The following FNDC1 variants were observed in gnomAD, a reference collection of about 807,000 sequenced individuals.
FNDC1 encodes the protein fibronectin type III domain containing 1.
Under a neutral mutation model 168.0 loss-of-function variants are expected in FNDC1, and 96 were observed. The ratio of observed to expected loss-of-function variants is 0.57; its 90% CI spans 0.48 to 0.68. The LOEUF (loss-of-function observed/expected upper bound fraction) is 0.68. Among genes scored for constraint, FNDC1 ranks in the 30% least tolerant of loss-of-function variants. FNDC1 has a pLI of 0.00. For missense variants in FNDC1, 2,587 were observed against 2,482.1 expected (o/e 1.04, Z -0.90); for synonymous variants, 1,099 against 1,025.9 (o/e 1.07, Z -1.36).
At position 159,233,675 on chromosome 6, in the gene FNDC1, C is replaced by G; in HGVS notation, c.3163C>G (p.Pro1055Ala). 1.3e-6 allele frequency: 2 copies of G among 1,549,890 alleles called. No homozygotes were observed. Among genetic ancestry groups the G allele is most frequent in the Non-Finnish European group, 1.7e-6 (2 of 1,147,576 alleles). ...SQGRSHSSSD[P>A]YTASSRGMLP... ...GGGCCGCTCCCACTCCTCCTCGGAC[C>G]CTTACACGGCGAGCTCCAGAGGGAT... Residue 1055 changes from proline (P) to alanine (A), a missense_variant, in exon 11 of 23, where the codon CCT becomes GCT. Coordinates refer to ENST00000297267, the MANE Select transcript of FNDC1 (RefSeq NM_032532.3). The surrounding 1 kb of genome is among the most constrained non-coding windows in gnomAD (Gnocchi z 4.6).
intron 1 of FNDC1, among the ~76,000 whole-genome samples, chr6:159,184,687 T>C (rs1781956078): frequency 6.6e-6 from 1 of 152,184 alleles, no homozygotes; most frequent in Non-Finnish European, 1.5e-5. Flanking sequence ...GTGTTTAACA[T>C]AGTTAGACAA....
chr6:159,238,462 T>C, intron 12 of FNDC1, 92 bp from the exon 13 acceptor site: 1 of 748,206 alleles, frequency 1.3e-6, no homozygotes, highest in Non-Finnish European at 2.2e-6. Flanking sequence ...TTTCCTTCTG[T>C]GGAAGCTTCA....
intron 17 of FNDC1, among the ~76,000 whole-genome samples, chr6:159,252,706 A>T (rs752511527): frequency 1.8e-4 from 27 of 152,240 alleles, no homozygotes; most frequent in Admixed American, 5.2e-4. Context: ...AACATCCAGA[A>T]AATCTTTTTA....
At chr6:159,194,332 T>C (rs1782199447) in intron 1 of FNDC1, among the ~76,000 whole-genome samples, 1 of 152,186 alleles carries the variant, frequency 6.6e-6, no homozygotes, top group African/African-American at 2.4e-5. Flanking sequence ...GATGTTTGGG[T>C]TTGTCATTTT....
chr6:159,264,929 T>C (rs993145913), intron 19 of FNDC1, 46 bp from the exon 20 acceptor site: 14 of 1,526,120 alleles, frequency 9.2e-6, no homozygotes, highest in Non-Finnish European at 1.2e-5. Flanking sequence ...AATTGCATGA[T>C]TGTGAAATAT....
intron 4 of FNDC1, among the ~76,000 whole-genome samples, chr6:159,203,555 C>T (rs1440921546): frequency 6.6e-6 from 1 of 152,120 alleles, no homozygotes; most frequent in Non-Finnish European, 1.5e-5. Context: ...TTTGGCTCCT[C>T]TTGTGTTGCT....
At chr6:159,183,883 T>A (rs1398954074) in intron 1 of FNDC1, among the ~76,000 whole-genome samples, 1 of 152,234 alleles carries the variant, frequency 6.6e-6, no homozygotes, top group Non-Finnish European at 1.5e-5. Context: ...CGAGCTCATG[T>A]GTCCTTATGA....
rs1448681132 is a variant in FNDC1 at position 159,229,926 on chromosome 6, A to C, written c.1292A>C (p.Tyr431Ser). The C allele has an allele frequency of 6.2e-7, 1 of 1,613,954 alleles. No homozygotes were observed. Among genetic ancestry groups the C allele is most frequent in the Non-Finnish European group, 8.5e-7 (1 of 1,179,864 alleles). The change falls in exon 10 of 23, where the codon TAT becomes TCT. Residue 431 changes from tyrosine (Y) to serine (S), a missense_variant. Physicochemically the swap from Tyr to Ser is moderately radical, Grantham distance 144. Transcript: ENST00000297267. ...GATGGTCTGCAGCCTGGGGAACGCT[A>C]TCTTTTCAAAATCCGGGCCACAAAC... ...LVDGLQPGER[Y>S]LFKIRATNRR...
chr6:159,214,730 G>T (rs1323666294), intron 4 of FNDC1, among the ~76,000 whole-genome samples: 3 of 152,172 alleles, frequency 2.0e-5, no homozygotes, highest in Non-Finnish European at 4.4e-5. Context: ...TTAATTTCTT[G>T]AGACCTTTTG....
chr6:159,251,515 C>T lies in FNDC1; in HGVS notation c.5048C>T (p.Pro1683Leu). The change falls in exon 17 of 23, where the codon CCA becomes CTA. Residue 1683 changes from proline (P) to leucine (L), a missense_variant. Pro to Leu is a moderately conservative substitution (Grantham distance 98). Transcript: ENST00000297267. ...FVIVDWDKAT[P>L]GDVVTGYLVY... ...ATTGTGGACTGGGACAAAGCCACCC[C>T]AGGAGATGTGGTCACAGGTGTGTCC... 1 of 1,613,564 alleles carries T rather than the reference C, an allele frequency of 6.2e-7. No individual in the cohort carries two copies. The highest frequency in any genetic ancestry group is 8.5e-7 in the Non-Finnish European group (1 of 1,179,766).
chr6:159,268,135 A>G (rs948415925), intron 22 of FNDC1, among the ~76,000 whole-genome samples: 3 of 152,164 alleles, frequency 2.0e-5, no homozygotes, highest in Non-Finnish European at 4.4e-5. Flanking sequence ...GGAGGTGGGG[A>G]ACGGCATGAA....
rs529671635 is a variant in FNDC1, at chr6:159,233,438, G to A, written c.2926G>A (p.Ala976Thr). ...KAQPGSTDRH[A>T]SPARPPAARS... ...ACAGCCAGGGTCCACAGACCGCCACGCGTCCCCTGCTCGTCCGCCCGCAGC... is the reference window on the plus strand; with the variant it reads ...ACAGCCAGGGTCCACAGACCGCCACACGTCCCCTGCTCGTCCGCCCGCAGC... The change falls in exon 11 of 23, where the codon GCG becomes ACG. Residue 976 changes from alanine to threonine, a missense_variant. By Grantham distance (58) the Ala-to-Thr change is moderately conservative. Coordinates refer to ENST00000297267, the MANE Select transcript of FNDC1 (RefSeq NM_032532.3). This position sits in a 1 kb window ranked among gnomAD's most constrained non-coding sequence, Gnocchi z 4.6. 2.1e-5 allele frequency: 34 copies of A among 1,610,048 alleles called. No homozygotes were observed. The highest frequency in any genetic ancestry group is 2.7e-5 in the African/African-American group (2 of 74,862).
intron 16 of FNDC1, among the ~76,000 whole-genome samples, chr6:159,249,492 T>C (rs1005161457): frequency 6.6e-6 from 1 of 152,214 alleles, no homozygotes; most frequent in East Asian, 1.9e-4. Context: ...GTTTTTATTG[T>C]AGCCAGTTTT....
At chr6:159,220,344 C>T (rs1782795881) in intron 5 of FNDC1, among the ~76,000 whole-genome samples, 1 of 152,200 alleles carries the variant, frequency 6.6e-6, no homozygotes, top group Non-Finnish European at 1.5e-5. Flanking sequence ...CTCTCAGCTC[C>T]CCTTAGGATC....
At chr6:159,175,044 T>A (rs1349236086) in intron 1 of FNDC1, among the ~76,000 whole-genome samples, 1 of 152,230 alleles carries the variant, frequency 6.6e-6, no homozygotes, top group Non-Finnish European at 1.5e-5. Flanking sequence ...GAGGTGTTCA[T>A]GTTAATTACA....
intron 19 of FNDC1, among the ~76,000 whole-genome samples, chr6:159,262,862 C>T (rs1777514158): frequency 6.6e-6 from 1 of 152,238 alleles, no homozygotes; most frequent in Non-Finnish European, 1.5e-5. Context: ...AGGAGCCTCA[C>T]ACACATGAAA....
intron 1 of FNDC1, among the ~76,000 whole-genome samples, chr6:159,177,327 G>T (rs989137662): frequency 6.6e-6 from 1 of 152,194 alleles, no homozygotes; most frequent in Non-Finnish European, 1.5e-5. Context: ...GCTGTGGCTG[G>T]AGTTAGCTAG....
At chr6:159,248,893 G>A (rs904272320) in intron 15 of FNDC1, 146 bp from the exon 16 acceptor site, 1 of 639,622 alleles carries the variant, frequency 1.6e-6, no homozygotes, top group Non-Finnish European at 2.5e-6. Flanking sequence ...TTTGGGCATA[G>A]CATTTATTTT....
At position 159,251,600 on chromosome 6, in the gene FNDC1, T is replaced by G. The variant is rs898466279; in HGVS notation, c.5065+68T>G. 57 of 1,322,932 alleles carry G rather than the reference T, an allele frequency of 4.3e-5. No homozygotes were observed. The Admixed American group carries it at 1.1e-3, about 26-fold the overall frequency. 81.9% of individuals were successfully genotyped at this position (1,322,932 alleles called of 1,614,324 possible). A position where few individuals can be genotyped will look rare whatever the true frequency, so the allele number is the denominator to read the frequency against. On this transcript the variant is annotated intron_variant, in intron 17 of 22. Transcript: ENST00000297267. Reference sequence around the variant, plus strand: ...GGGAAATGTGGACAATAAAGAATGGTGGATGAGTGGATGGGTGCATGCATG... The same window carrying G: ...GGGAAATGTGGACAATAAAGAATGGGGGATGAGTGGATGGGTGCATGCATG...
Sources: gnomAD v4.1 joint callset for allele counts (sites outside exome capture counted in the v4.1 genomes callset) on GRCh38, gnomAD v4.1.1 for gene constraint, Gnocchi (gnomAD v3.1) non-coding constraint, MANE v1.5 for transcripts, NCBI Gene and HGNC (gene_info 2026-07-23, HGNC 2026-07-21) for gene names.